MUC7: variants seen among roughly 807,000 people sequenced by gnomAD.
MUC7 encodes mucin-7.
MUC7 carries 2 observed loss-of-function variants against 2.5 expected under a neutral mutation model. The ratio of observed to expected loss-of-function variants is 0.81; its 90% CI spans 0.33 to 2.55. MUC7 has a LOEUF of 2.55. MUC7 is among the 30% of genes most tolerant of loss of function. MUC7 has a pLI of 0.11. For missense variants in MUC7, 408 were observed against 455.6 expected, an observed-to-expected ratio of 0.90 and a Z score of 0.95; for synonymous variants, 133 against 173.4, an observed-to-expected ratio of 0.77 and a Z score of 1.83.
chr4:70,440,779 G>T (rs1183030826), intron 1 of MUC7, among the ~76,000 whole-genome samples: 1 of 151,632 alleles, frequency 6.6e-6, no homozygotes, highest in African/African-American at 2.4e-5. Context: ...AAAATAGAAA[G>T]AATAAAAACA....
intron 2 of MUC7, among the ~76,000 whole-genome samples, chr4:70,474,471 T>C (rs1383107324): frequency 1.3e-5 from 2 of 152,144 alleles, no homozygotes; most frequent in Non-Finnish European, 2.9e-5. Context: ...GCCGTAATCA[T>C]ACCACTATGC....
chr4:70,442,397 A>G (rs1734031001), intron 1 of MUC7, among the ~76,000 whole-genome samples: 1 of 152,216 alleles, frequency 6.6e-6, no homozygotes, highest in Non-Finnish European at 1.5e-5. Context: ...CCTGGCCTGC[A>G]GCCCACCTGC....
intron 1 of MUC7, among the ~76,000 whole-genome samples, chr4:70,440,491 GAAAACA>G (rs1733975511): frequency 6.6e-6 from 1 of 151,876 alleles, no homozygotes; most frequent in Non-Finnish European, 1.5e-5. Flanking sequence ...TGATAAATAA[GAAAACA>G]AAAACAAAAG....
chr4:70,463,922 C>T (rs142363219), intron 1 of MUC7, among the ~76,000 whole-genome samples: 63 of 152,206 alleles, frequency 4.1e-4, no homozygotes, highest in Non-Finnish European at 7.6e-4. Context: ...ATTTTACATT[C>T]GTAAAGTTAA....
chr4:70,432,683 G>T (rs554583202), intron 1 of MUC7, among the ~76,000 whole-genome samples: 1 of 152,094 alleles, frequency 6.6e-6, no homozygotes, highest in Non-Finnish European at 1.5e-5. Flanking sequence ...TCTGCAGGTT[G>T]CCTGTTTATT....
At chr4:70,472,539 A>G (rs1734861807) in intron 1 of MUC7, among the ~76,000 whole-genome samples, 1 of 152,192 alleles carries the variant, frequency 6.6e-6, no homozygotes, top group Non-Finnish European at 1.5e-5. Flanking sequence ...ATAATAAGTA[A>G]CCATTTCGTT....
At chr4:70,464,176 G>A (rs572287077) in intron 1 of MUC7, among the ~76,000 whole-genome samples, 6 of 152,182 alleles carry the variant, frequency 3.9e-5, no homozygotes, top group Non-Finnish European at 8.8e-5. Context: ...GCCAAGGGAA[G>A]CCATGAGGGA....
intron 2 of MUC7, among the ~76,000 whole-genome samples, chr4:70,474,344 CACA>C (rs772810517): frequency 4.6e-4 from 70 of 151,886 alleles, no homozygotes; most frequent in Non-Finnish European, 8.1e-4. Flanking sequence ...ACAGTATCTC[CACA>C]ACAACAACAA....
intron 1 of MUC7, among the ~76,000 whole-genome samples, chr4:70,435,646 C>T (rs1733810095): frequency 7.1e-6 from 1 of 141,036 alleles, no homozygotes; most frequent in Non-Finnish European, 1.5e-5. Context: ...TGGGTCTTGA[C>T]TCTTTATCCC....
chr4:70,444,704 C>T (rs1560546436), intron 1 of MUC7, among the ~76,000 whole-genome samples: 1 of 152,152 alleles, frequency 6.6e-6, no homozygotes, highest in Non-Finnish European at 1.5e-5. Flanking sequence ...GCTGTCAATA[C>T]CATATCATAT....
At chr4:70,444,510 C>G (rs563517101) in intron 1 of MUC7, among the ~76,000 whole-genome samples, 1 of 152,340 alleles carries the variant, frequency 6.6e-6, no homozygotes, top group Admixed American at 6.5e-5. Flanking sequence ...ACTACCACCA[C>G]TGCACTTGCA....
At chr4:70,437,157 C>T (rs368111218) in intron 1 of MUC7, among the ~76,000 whole-genome samples, 1 of 152,210 alleles carries the variant, frequency 6.6e-6, no homozygotes, top group African/African-American at 2.4e-5. Flanking sequence ...ACACAGGGGT[C>T]CCGGACCCAC....
chr4:70,438,145 A>G (rs1733908869), intron 1 of MUC7, among the ~76,000 whole-genome samples: 1 of 152,162 alleles, frequency 6.6e-6, no homozygotes. Context: ...TACAACCTCA[A>G]AAGAGTATCA....
intron 1 of MUC7, among the ~76,000 whole-genome samples, chr4:70,451,546 A>T (rs2109715586): frequency 6.6e-6 from 1 of 152,082 alleles, no homozygotes; most frequent in Middle Eastern, 3.4e-3. Context: ...TGGTTTGTTT[A>T]ATTTCCATGT....
chr4:70,436,704 C>T (rs551324235), intron 1 of MUC7, among the ~76,000 whole-genome samples: 4 of 152,278 alleles, frequency 2.6e-5, no homozygotes, highest in African/African-American at 4.8e-5. Flanking sequence ...TCTGTCAATT[C>T]GTCAAACTCA....
chr4:70,480,904 C>T lies in MUC7; in HGVS notation c.160C>T (p.His54Tyr), dbSNP rs776171028. ...ACCACATTATCCTGGACTGCTAGCT[C>T]ACCAGAAGCCGTTCATTAGAAAGTC... ...ELPHYPGLLA[H>Y]QKPFIRKSYK... The change falls in exon 3 of 3, where the codon CAC (histidine) becomes TAC (tyrosine). Residue 54 changes from histidine to tyrosine, a missense_variant. Physicochemically the swap from His to Tyr is moderately conservative, Grantham distance 83. Transcript: ENST00000304887. 1.9e-6 allele frequency: 3 copies of T among 1,614,060 alleles called. No homozygotes were observed. The highest frequency in any genetic ancestry group is 2.7e-5 in the African/African-American group (2 of 74,928).
At chr4:70,442,983 T>C (rs895279152) in intron 1 of MUC7, among the ~76,000 whole-genome samples, 3 of 152,144 alleles carry the variant, frequency 2.0e-5, no homozygotes, top group Non-Finnish European at 2.9e-5. Context: ...AGATCCGAGA[T>C]GAATCCTAGT....
intron 1 of MUC7, among the ~76,000 whole-genome samples, chr4:70,439,467 G>A (rs909314395): frequency 1.3e-5 from 2 of 152,226 alleles, no homozygotes; most frequent in Admixed American, 1.3e-4. Context: ...TAGGCTATAG[G>A]GGATCAAAAT....
intron 2 of MUC7, among the ~76,000 whole-genome samples, chr4:70,476,130 G>T (rs938724690): frequency 5.9e-5 from 9 of 152,072 alleles, no homozygotes; most frequent in Non-Finnish European, 4.4e-5. Flanking sequence ...GGGTAAATGA[G>T]AATTTATAAA....
Sources: gnomAD v4.1 joint callset for allele counts (sites outside exome capture counted in the v4.1 genomes callset) on GRCh38, gnomAD v4.1.1 for gene constraint, MANE v1.5 for transcripts, NCBI Gene and HGNC (gene_info 2026-07-23, HGNC 2026-07-21) for gene names.